Variants in SCUBE1 observed in about 807,000 individuals in gnomAD.
SCUBE1 encodes signal peptide, CUB domain and EGF like domain containing 1.
A neutral mutation model predicts 124.4 loss-of-function variants in SCUBE1; 59 were observed. That is an observed-to-expected ratio of 0.47 (90% CI 0.38 to 0.59). The LOEUF (loss-of-function observed/expected upper bound fraction) is 0.59, where lower values mean the gene tolerates loss of function less well. Among genes scored for constraint, SCUBE1 ranks in the 20% least tolerant of loss-of-function variants. The probability of loss-of-function intolerance (pLI) is 0.00; values close to 1 mark genes in which losing one functional copy is unlikely to be tolerated. For synonymous variants in SCUBE1, 545 were observed against 550.9 expected, an observed-to-expected ratio of 0.99 and a Z score of 0.15; for missense variants, 1,150 against 1,371.2, an observed-to-expected ratio of 0.84 and a Z score of 2.55.
At chr22:43,212,943 G>T (rs1055576437) in intron 16 of SCUBE1, among the ~76,000 whole-genome samples, 1 of 152,172 alleles carries the variant, frequency 6.6e-6, no homozygotes, top group South Asian at 2.1e-4. Flanking sequence ...CTGTCCCCGG[G>T]GGGTAGGCTG....
At chr22:43,253,797 G>A (rs1336397722) in intron 6 of SCUBE1, among the ~76,000 whole-genome samples, 1 of 121,066 alleles carries the variant, frequency 8.3e-6, no homozygotes, top group African/African-American at 5.2e-5. Context: ...TGGGAAGGTC[G>A]CGGGGTACCT....
At chr22:43,206,903 T>C (rs1485475295) in intron 21 of SCUBE1, among the ~76,000 whole-genome samples, 1 of 151,282 alleles carries the variant, frequency 6.6e-6, no homozygotes, top group Non-Finnish European at 1.5e-5. Context: ...TGGCAGACTA[T>C]GGGGAGACTC....
chr22:43,221,084 C>T, intron 13 of SCUBE1, 89 bp downstream of exon 13: 2 of 892,246 alleles, frequency 2.2e-6, no homozygotes, highest in Non-Finnish European at 3.6e-6. Context: ...GGAAACCAGA[C>T]TCGCTGGACC....
At chr22:43,228,090 A>T (rs891928998) in intron 9 of SCUBE1, among the ~76,000 whole-genome samples, 2 of 152,216 alleles carry the variant, frequency 1.3e-5, no homozygotes, top group Admixed American at 6.5e-5. Flanking sequence ...GCCCGCCTCC[A>T]GAAGCCCAAG....
chr22:43,210,975 G>A lies in SCUBE1; in HGVS notation c.2330C>T (p.Pro777Leu), dbSNP rs1921523911. 2 of 1,614,144 alleles carry A rather than the reference G, an allele frequency of 1.2e-6. No homozygotes were observed. The highest frequency in any genetic ancestry group is 1.1e-5 in the South Asian group (1 of 91,086). The change falls in exon 18 of 22, where the codon CCG becomes CTG. Residue 777 changes from proline to leucine, a missense_variant. By Grantham distance (98) the Pro-to-Leu change is moderately conservative (BLOSUM62 -3). This residue lies in a region of SCUBE1 where 757 missense variants were observed against 840.9 expected (regional missense o/e 0.90). Transcript: ENST00000360835. This position sits in a 1 kb window ranked among gnomAD's most constrained non-coding sequence, Gnocchi z 4.5. The part of the protein sequence containing the change: ...EFGQNHCITC[P>L]GNTSTDFDGS... The stretch of plus-strand genomic sequence containing the variant: ...ATCGAAGTCTGTGCTGGTGTTGCCC[G>A]GACAGGTGATGCAGTGGTTCTGGCC...
At chr22:43,254,754 C>T (rs1300497751) in intron 6 of SCUBE1, among the ~76,000 whole-genome samples, 1 of 152,206 alleles carries the variant, frequency 6.6e-6, no homozygotes, top group Non-Finnish European at 1.5e-5. Flanking sequence ...CTGGCAAAGC[C>T]CAGAGGCCAG....
intron 2 of SCUBE1, among the ~76,000 whole-genome samples, chr22:43,329,748 C>G (rs958658484): frequency 2.6e-5 from 4 of 152,244 alleles, no homozygotes; most frequent in African/African-American, 7.2e-5. Context: ...CTGAGACCTC[C>G]TGACCTTGCC....
intron 4 of SCUBE1, among the ~76,000 whole-genome samples, chr22:43,281,533 C>CCCTCAGTCACCCTCCTGTCACCTCCCT (rs1569011021): frequency 2.2e-4 from 14 of 63,482 alleles, no homozygotes; most frequent in Non-Finnish European, 3.4e-4. Context: ...CCTGTCACCT[C>CCCTCAGTCACCCTCCTGTCACCTCCCT]CCTCAGTCAC....
chr22:43,218,434 C>T lies in SCUBE1; in HGVS notation c.1712G>A (p.Arg571Gln), dbSNP rs149906143. 254 of 1,612,458 alleles carry T rather than the reference C, an allele frequency of 1.6e-4. No homozygotes were observed. The highest frequency in any genetic ancestry group is 1.0e-3 in the African/African-American group (78 of 74,952). Residue 571 changes from arginine to glutamine, a missense_variant, in exon 15 of 22, where the codon CGG (arginine) becomes CAG (glutamine). Transcript: ENST00000360835. ...CTGCAGGCTCTGTTCTGCTCGCTTC[C>T]GCAAGCAGTCCGCTTCGCATGTGTC... The part of the protein sequence containing the change: ...ASDTCEADCL[R>Q]KRAEQSLQAA...
chr22:43,342,870 G>C (rs1328088595), intron 1 of SCUBE1, among the ~76,000 whole-genome samples: 1 of 150,904 alleles, frequency 6.6e-6, no homozygotes, highest in Non-Finnish European at 1.5e-5. Flanking sequence ...CCCCGCCCAG[G>C]TCCGCACGCG....
chr22:43,336,130 C>T (rs1305901529), intron 2 of SCUBE1, among the ~76,000 whole-genome samples: 1 of 152,208 alleles, frequency 6.6e-6, no homozygotes, highest in Non-Finnish European at 1.5e-5. Context: ...TATACTGTGC[C>T]TCACTCAATC....
chr22:43,331,892 G>A (rs551269568), intron 2 of SCUBE1, among the ~76,000 whole-genome samples: 11 of 152,272 alleles, frequency 7.2e-5, no homozygotes, highest in African/African-American at 2.4e-4. Context: ...TTAGTTAAAC[G>A]GAGAGGCAAG....
rs1273031634 is a variant in SCUBE1, at chr22:43,255,624, G to A, written c.727+2595C>T. ...AACACGGAGCCAGTGGTTAATGACAGCCCACTTCCCGCGGCCCAAGACAGT... is the reference window on the plus strand; with the variant it reads ...AACACGGAGCCAGTGGTTAATGACAACCCACTTCCCGCGGCCCAAGACAGT... On this transcript the variant is annotated intron_variant, in intron 6 of 21. Transcript: ENST00000360835. This position sits in a 1 kb window ranked among gnomAD's most constrained non-coding sequence, Gnocchi z 4.7. 1 of 1,481,256 alleles carries A rather than the reference G, an allele frequency of 6.8e-7. No individual in the cohort carries two copies. Among genetic ancestry groups the A allele is most frequent in the Admixed American group, 2.0e-5 (1 of 50,922 alleles). The allele number at this position is 1,481,256 out of a possible 1,614,324, so 91.8% of individuals were successfully genotyped here.
At chr22:43,311,126 C>A (rs186071861) in intron 3 of SCUBE1, among the ~76,000 whole-genome samples, 227 of 152,292 alleles carry the variant, frequency 1.5e-3, no homozygotes, top group Non-Finnish European at 2.6e-3. Context: ...TAACTGGAAT[C>A]CTACCCTACC....
At chr22:43,219,627 C>T (rs1569498608) in intron 14 of SCUBE1, among the ~76,000 whole-genome samples, 1 of 151,754 alleles carries the variant, frequency 6.6e-6, no homozygotes, top group Non-Finnish European at 1.5e-5. Flanking sequence ...GTGCCTGCCA[C>T]CACACCTGGC....
In SCUBE1 at chr22:43,262,790, C is replaced by T. The variant is rs144731816; in HGVS notation, c.540G>A (p.Thr180=). The T allele has an allele frequency of 1.2e-5, 20 of 1,614,084 alleles. No individual in the cohort carries two copies. The highest frequency in any genetic ancestry group is 6.7e-5 in the East Asian group (3 of 44,892). The change falls in exon 5 of 22, where the codon ACG becomes ACA. Residue 180 remains threonine, a synonymous_variant. Coordinates refer to ENST00000360835, the MANE Select transcript of SCUBE1 (RefSeq NM_173050.5). The part of the protein sequence containing the change: ...DHGCAHICRE[T]PKGGVACDCR... Reference sequence around the variant, plus strand: ...AGTCGCAGGCCACCCCACCTTTGGGCGTCTCCCGGCAGATGTGGGCACAGC... The same window carrying T: ...AGTCGCAGGCCACCCCACCTTTGGGTGTCTCCCGGCAGATGTGGGCACAGC...
In SCUBE1 at chr22:43,313,326, A is replaced by G. The variant is rs1375829225; in HGVS notation, c.349+6611T>C. On this transcript the variant is annotated intron_variant, in intron 3 of 21. Coordinates refer to ENST00000360835, the MANE Select transcript of SCUBE1 (RefSeq NM_173050.5). ...AAAAAAAGTGCCAAGAGGCAGGTCC[A>G]AAATTCAAACTGTGAGCAACTTGAG... Among the ~76,000 whole-genome samples the G allele has an allele frequency of 2.6e-5, 4 of 152,356 alleles. No homozygotes were observed. The East Asian group carries it at 7.7e-4, about 29-fold the overall frequency.
At chr22:43,204,242 T>G in intron 21 of SCUBE1, 93 bp from the exon 22 acceptor site, 784 of 971,226 alleles carry the variant, frequency 8.1e-4, no homozygotes, top group Non-Finnish European at 1.2e-3. Flanking sequence ...AGAGATGCGC[T>G]GGCTGGTGGG....
At chr22:43,232,248 G>T in intron 7 of SCUBE1, 1 of 201,192 alleles carries the variant, frequency 5.0e-6, no homozygotes, top group East Asian at 1.1e-4. Flanking sequence ...CGCCTGGCCA[G>T]CAGGGAGGCT....
Sources: gnomAD v4.1 joint callset for allele counts (sites outside exome capture counted in the v4.1 genomes callset) on GRCh38, gnomAD v4.1.1 for gene constraint, gnomAD v4.1.1 regional missense constraint, Gnocchi (gnomAD v3.1) non-coding constraint, MANE v1.5 for transcripts, NCBI Gene and HGNC (gene_info 2026-07-23, HGNC 2026-07-21) for gene names.